Variants in PTPRN2 observed in about 807,000 individuals in gnomAD.
The protein encoded by PTPRN2 is receptor-type tyrosine-protein phosphatase N2.
In PTPRN2, 74 loss-of-function variants were observed where a neutral mutation model predicts 118.8. The observed-to-expected ratio is 0.62, with a 90% CI of 0.52 to 0.76. PTPRN2 has a LOEUF of 0.76. PTPRN2 is among the 30% of genes least tolerant of loss of function. The probability of loss-of-function intolerance (pLI) is 0.00; values close to 1 mark genes in which losing one functional copy is unlikely to be tolerated. For missense variants in PTPRN2, 1,481 were observed against 1,394.4 expected (o/e 1.06, Z -0.99); for synonymous variants, 641 against 608.0 (o/e 1.05, Z -0.80).
rs1004448118 is a variant in PTPRN2, at chr7:158,044,128, T to A, written c.1723+37170A>T. ...CTGCAGGGTGTTTCAGATAAAAAAA[T>A]TTAGAATAGCTTTATCTGAGTTACA... is the stretch of plus-strand genomic sequence containing the variant. On this transcript the variant is annotated intron_variant, in intron 11 of 22. Transcript: ENST00000389418. Among the ~76,000 whole-genome samples the A allele has an allele frequency of 3.9e-5, 6 of 152,288 alleles. 1 individual carries two copies. Among genetic ancestry groups the A allele is most frequent in the South Asian group, 4.1e-4 (2 of 4,826 alleles).
At chr7:158,391,505 CT>C (rs897211288) in intron 2 of PTPRN2, among the ~76,000 whole-genome samples, 1 of 152,212 alleles carries the variant, frequency 6.6e-6, no homozygotes, top group Non-Finnish European at 1.5e-5. Flanking sequence ...TAGCTTCTTC[CT>C]GAGGCTTAAG....
chr7:158,558,354 A>G (rs2129450736), intron 1 of PTPRN2, among the ~76,000 whole-genome samples: 1 of 152,270 alleles, frequency 6.6e-6, no homozygotes, highest in Non-Finnish European at 1.5e-5. Flanking sequence ...GTAGACTCCA[A>G]ATGTATTGTT....
intron 19 of PTPRN2, among the ~76,000 whole-genome samples, chr7:157,575,331 C>A (rs1165772497): frequency 1.3e-5 from 2 of 151,986 alleles, no homozygotes; most frequent in Non-Finnish European, 2.9e-5. Flanking sequence ...ACATAATGGC[C>A]AGGAAATTAG....
intron 4 of PTPRN2, 23 bp from the exon 5 acceptor site, chr7:158,192,518 A>AC (rs1427760685): frequency 6.4e-7 from 1 of 1,565,178 alleles, no homozygotes; most frequent in Non-Finnish European, 8.6e-7. Context: ...AAGAAACCAG[A>AC]CATCAACCGC....
chr7:157,652,275 G>A (rs974652749), intron 14 of PTPRN2, among the ~76,000 whole-genome samples: 2 of 152,172 alleles, frequency 1.3e-5, no homozygotes, highest in African/African-American at 4.8e-5. Flanking sequence ...TCTCCAGCCC[G>A]ACGCACCTTC....
At chr7:157,884,678 C>A (rs534346306) in intron 12 of PTPRN2, among the ~76,000 whole-genome samples, 2 of 152,312 alleles carry the variant, frequency 1.3e-5, no homozygotes, top group South Asian at 4.2e-4. Context: ...GGGTGGCAGA[C>A]AAGAGAGAGC....
At chr7:157,749,803 TG>T (rs1326361070) in intron 12 of PTPRN2, among the ~76,000 whole-genome samples, 1 of 139,140 alleles carries the variant, frequency 7.2e-6, no homozygotes, top group Non-Finnish European at 1.5e-5. Flanking sequence ...CCCTCAGCTG[TG>T]GGGTGCCTGG....
chr7:157,979,775 C>T (rs1803000164), intron 11 of PTPRN2, among the ~76,000 whole-genome samples: 2 of 152,324 alleles, frequency 1.3e-5, no homozygotes, highest in African/African-American at 4.8e-5. Flanking sequence ...CTTTATGACT[C>T]GCATCCGTTG....
intron 2 of PTPRN2, among the ~76,000 whole-genome samples, chr7:158,369,399 G>A (rs1809789595): frequency 6.6e-6 from 1 of 152,002 alleles, no homozygotes; most frequent in Admixed American, 6.6e-5. Context: ...GTCCAAAAGT[G>A]AATCACTCAA....
chr7:158,016,169 C>T (rs558868252), intron 11 of PTPRN2, among the ~76,000 whole-genome samples: 1 of 152,374 alleles, frequency 6.6e-6, no homozygotes, highest in Non-Finnish European at 1.5e-5. Flanking sequence ...CAGGAGCCCC[C>T]TGATGATTCC....
intron 12 of PTPRN2, among the ~76,000 whole-genome samples, chr7:157,688,477 T>A (rs1373529155): frequency 6.6e-6 from 1 of 152,130 alleles, no homozygotes; most frequent in African/African-American, 2.4e-5. Flanking sequence ...TTTCAGACTC[T>A]CCGCTGGCGT....
At chr7:157,996,972 T>C (rs1804797386) in intron 11 of PTPRN2, among the ~76,000 whole-genome samples, 1 of 152,148 alleles carries the variant, frequency 6.6e-6, no homozygotes. Flanking sequence ...GTCGCCTGCT[T>C]GCCCATCTGT....
intron 14 of PTPRN2, among the ~76,000 whole-genome samples, chr7:157,650,909 C>G (rs1294917469): frequency 6.6e-6 from 1 of 152,196 alleles, no homozygotes; most frequent in Non-Finnish European, 1.5e-5. Flanking sequence ...CAATGAGAGA[C>G]AGAGATCTCT....
chr7:157,549,904 C>T (rs1305480892), intron 21 of PTPRN2, among the ~76,000 whole-genome samples: 1 of 152,230 alleles, frequency 6.6e-6, no homozygotes, highest in Non-Finnish European at 1.5e-5. Context: ...CATGTCACCT[C>T]TACCGAACAC....
At position 157,868,679 on chromosome 7, in the gene PTPRN2, C is replaced by T. The variant is rs80327779; in HGVS notation, c.1788+29994G>A. ...GGGCTATGCCTTCCCTTGCTCACTC[C>T]CTCCCTCACCCACCTGCCCACTCGC... On this transcript the variant is annotated intron_variant, in intron 12 of 22. Coordinates refer to ENST00000389418, the MANE Select transcript of PTPRN2 (RefSeq NM_002847.5). The surrounding 1 kb of genome is among the most constrained non-coding windows in gnomAD (Gnocchi z 5.2). The T allele has an allele frequency of 0.058, 8,808 of 152,288 alleles. 350 individuals carry two copies. The highest frequency in any genetic ancestry group is 0.087 in the East Asian group (447 of 5,166). 9.4% of individuals were successfully genotyped at this position (152,288 alleles called of 1,614,324 possible).
At chr7:158,358,559 G>A (rs561198114) in intron 2 of PTPRN2, among the ~76,000 whole-genome samples, 5 of 152,322 alleles carry the variant, frequency 3.3e-5, no homozygotes, top group South Asian at 2.1e-4. Context: ...CAACCCAGGC[G>A]CCCAGCAGCT....
intron 2 of PTPRN2, among the ~76,000 whole-genome samples, chr7:158,457,613 G>A (rs568267529): frequency 2.1e-5 from 2 of 94,868 alleles, no homozygotes; most frequent in Admixed American, 1.0e-4. Context: ...GGACCACAGC[G>A]GATGCGCGGC....
At chr7:158,168,704 C>A (rs1179089916) in intron 5 of PTPRN2, among the ~76,000 whole-genome samples, 1 of 152,202 alleles carries the variant, frequency 6.6e-6, no homozygotes, top group Non-Finnish European at 1.5e-5. Context: ...CCCTGGCTAA[C>A]AGTCTTTCAT....
At chr7:158,424,964 C>T (rs935151290) in intron 2 of PTPRN2, among the ~76,000 whole-genome samples, 3 of 152,228 alleles carry the variant, frequency 2.0e-5, no homozygotes, top group Non-Finnish European at 4.4e-5. Flanking sequence ...CTCACCAGGT[C>T]TGGGGCCCGG....
Sources: gnomAD v4.1 joint callset for allele counts (sites outside exome capture counted in the v4.1 genomes callset) on GRCh38, gnomAD v4.1.1 for gene constraint, Gnocchi (gnomAD v3.1) non-coding constraint, MANE v1.5 for transcripts, NCBI Gene and HGNC (gene_info 2026-07-23, HGNC 2026-07-21) for gene names.